SEC14L5: variants seen among roughly 807,000 people sequenced by gnomAD.
SEC14L5 encodes the protein SEC14 like lipid binding 5, also known as SEC14-like protein 5.
A neutral mutation model predicts 84.6 loss-of-function variants in SEC14L5; 96 were observed. The ratio of observed to expected loss-of-function variants is 1.13; its 90% confidence interval spans 0.96 to 1.34. SEC14L5 has a LOEUF of 1.34. Ranked by LOEUF, SEC14L5 falls within the 40% of genes most tolerant of loss-of-function variation. SEC14L5 has a pLI of 0.00. For missense variants in SEC14L5, 1,224 were observed against 942.5 expected (o/e 1.30, Z -3.91); for synonymous variants, 546 against 383.4 (o/e 1.42, Z -4.95).
rs569313367 is a variant in SEC14L5 at position 5,016,084 on chromosome 16, A to T, written c.*1114A>T. ...ATGGGTGCATAGAACTGGCCAGTCC[A>T]GGAGGGCTTGCTTCAGGTAAGGCTA... On this transcript the variant is annotated 3_prime_UTR_variant, in exon 16 of 16. Coordinates refer to ENST00000251170, the MANE Select transcript of SEC14L5 (RefSeq NM_014692.2). 6.6e-6 allele frequency: 1 copy of T among 152,314 alleles called. No individual in the cohort carries two copies. The highest frequency in any genetic ancestry group is 2.4e-5 in the African/African-American group (1 of 41,562). 9.4% of individuals were successfully genotyped at this position (152,314 alleles called of 1,614,324 possible). A position where few individuals can be genotyped will look rare whatever the true frequency, so the allele number is the denominator to read the frequency against.
At position 4,987,544 on chromosome 16, in the gene SEC14L5, G is replaced by T; in HGVS notation, c.64-13G>T. The T allele has an allele frequency of 6.6e-7, 1 of 1,524,640 alleles. No individual in the cohort carries two copies. 94.4% of individuals were successfully genotyped at this position (1,524,640 alleles called of 1,614,324 possible). A position where few individuals can be genotyped will look rare whatever the true frequency, so the allele number is the denominator to read the frequency against. The stretch of plus-strand genomic sequence containing the variant: ...CCCCCCACCACGGCCGCTCACTGCC[G>T]CTCTGCCCCCAGGCCTACGAGAAGC... On this transcript the variant is annotated splice_polypyrimidine_tract_variant and intron_variant, in intron 2 of 15. Transcript: ENST00000251170.
intron 2 of SEC14L5, among the ~76,000 whole-genome samples, chr16:4,967,157 G>A (rs1025515041): frequency 1.3e-4 from 20 of 152,192 alleles, no homozygotes; most frequent in Non-Finnish European, 2.5e-4. Context: ...CTGGAGGCCA[G>A]AAGCCTGAAT....
chr16:5,015,263 C>T lies in SEC14L5; in HGVS notation c.*293C>T, dbSNP rs1183224722. ...ACACCTTTGGGACATCCGGGCTTAG[C>T]GACGTCAGCCAGGCCCATCTCCTCT... is the stretch of plus-strand genomic sequence containing the variant. On this transcript the variant is annotated 3_prime_UTR_variant, in exon 16 of 16. Transcript: ENST00000251170. The T allele has an allele frequency of 5.3e-5, 19 of 356,246 alleles. No homozygotes were observed. Among genetic ancestry groups the T allele is most frequent in the Non-Finnish European group, 8.7e-5 (17 of 195,736 alleles). 22.1% of individuals were successfully genotyped at this position (356,246 alleles called of 1,614,324 possible). A position where few individuals can be genotyped will look rare whatever the true frequency, so the allele number is the denominator to read the frequency against.
intron 14 of SEC14L5, among the ~76,000 whole-genome samples, chr16:5,009,408 C>G (rs563384024): frequency 6.6e-6 from 1 of 152,296 alleles, no homozygotes; most frequent in Non-Finnish European, 1.5e-5. Flanking sequence ...ACTACAGCCT[C>G]TACCTCCTAG....
rs372131297 is a variant in SEC14L5 at position 4,970,811 on chromosome 16, C to G, written c.63+11425C>G. Among the ~76,000 whole-genome samples the G allele has an allele frequency of 3.7e-4, 57 of 152,298 alleles. No individual in the cohort carries two copies. The South Asian group carries it at 0.011, about 30-fold the overall frequency. On this transcript the variant is annotated intron_variant, in intron 2 of 15. Transcript: ENST00000251170. ...CATCCAAGTGTGCAGAAGTAGGAAC[C>G]AGTAAGAACTAGACCTGGCTGGGTG...
chr16:4,967,293 T>G (rs1475117110), intron 2 of SEC14L5, among the ~76,000 whole-genome samples: 1 of 152,146 alleles, frequency 6.6e-6, no homozygotes, highest in African/African-American at 2.4e-5. Context: ...ACATAATGAC[T>G]CACTGTGTCC....
At chr16:5,012,261 T>C (rs1250863292) in intron 15 of SEC14L5, among the ~76,000 whole-genome samples, 7 of 152,056 alleles carry the variant, frequency 4.6e-5, no homozygotes, top group Non-Finnish European at 4.4e-5. Flanking sequence ...CACAGAGGAA[T>C]AGACACAGGC....
intron 2 of SEC14L5, among the ~76,000 whole-genome samples, chr16:4,977,446 C>CAAAAAAAAAAAAAAAA: frequency 1.5e-5 from 1 of 66,138 alleles, no homozygotes; most frequent in Non-Finnish European, 2.5e-5. Context: ...GACTCCGTCT[C>CAAAAAAAAAAAAAAAA]AAAAAAAAAA....
At chr16:5,005,133 A>G (rs951548839) in intron 11 of SEC14L5, among the ~76,000 whole-genome samples, 3 of 152,138 alleles carry the variant, frequency 2.0e-5, no homozygotes, top group African/African-American at 7.2e-5. Flanking sequence ...CAACATGGTG[A>G]AAATACAAAA....
rs139109215 is a variant in SEC14L5 at position 5,005,652 on chromosome 16, G to C, written c.1303-262G>C. The stretch of plus-strand genomic sequence containing the variant: ...CGAGGCAGGTGGATCACGAGGTCAG[G>C]AGATCGAGACCATCCTGGCTAACAT... On this transcript the variant is annotated intron_variant, in intron 11 of 15. Transcript: ENST00000251170. Among the ~76,000 whole-genome samples the C allele has an allele frequency of 9.1e-3, 1,388 of 152,014 alleles. 23 individuals are homozygous for C. The highest frequency in any genetic ancestry group is 0.032 in the African/African-American group (1,318 of 41,462).
At chr16:5,001,025 G>A (rs1955671097) in intron 10 of SEC14L5, 100 bp downstream of exon 10, 1 of 929,774 alleles carries the variant, frequency 1.1e-6, no homozygotes, top group Non-Finnish European at 1.7e-6. Context: ...AGCGTGCCAG[G>A]GGCTTCATTC....
rs1596643599 is a variant in SEC14L5 at position 5,007,484 on chromosome 16, G to A, written c.1570G>A (p.Glu524Lys). The change falls in exon 13 of 16, where the codon GAG (glutamate) becomes AAG (lysine). Residue 524 changes from glutamate to lysine, a missense_variant and splice_region_variant. Transcript: ENST00000251170. The part of the protein sequence containing the change: ...SASVLRGAPH[E>K]VAVEILEGES... ...CAGCGTGCTCCGCGGAGCCCCCCACGAGGTGCCAGGGCCTGGCCGGGGAGG... is the reference window on the plus strand; with the variant it reads ...CAGCGTGCTCCGCGGAGCCCCCCACAAGGTGCCAGGGCCTGGCCGGGGAGG... 2.5e-6 allele frequency: 4 copies of A among 1,613,104 alleles called. No individual in the cohort carries two copies. In the South Asian group the frequency reaches 3.3e-5, roughly 13 times the overall value.
At chr16:4,968,751 C>G (rs1448710721) in intron 2 of SEC14L5, among the ~76,000 whole-genome samples, 1 of 152,246 alleles carries the variant, frequency 6.6e-6, no homozygotes, top group African/African-American at 2.4e-5. Flanking sequence ...GTCAGGTCAT[C>G]TCTGTTTTGC....
intron 4 of SEC14L5, among the ~76,000 whole-genome samples, chr16:4,989,992 C>T (rs1162383970): frequency 6.6e-6 from 1 of 151,912 alleles, no homozygotes; most frequent in Non-Finnish European, 1.5e-5. Context: ...TTTTTGCAAA[C>T]ATACAGATCT....
chr16:4,961,130 G>C (rs139001871), intron 2 of SEC14L5, among the ~76,000 whole-genome samples: 4 of 152,052 alleles, frequency 2.6e-5, no homozygotes, highest in African/African-American at 9.7e-5. Flanking sequence ...AAAATTAGCC[G>C]GGCGTGGTGG....
At chr16:4,959,620 C>G (rs1261808604) in intron 2 of SEC14L5, among the ~76,000 whole-genome samples, 1 of 152,120 alleles carries the variant, frequency 6.6e-6, no homozygotes, top group Non-Finnish European at 1.5e-5. Flanking sequence ...TGAAGCTGAC[C>G]TGCTCCCTTA....
chr16:5,007,917 T>TC (rs1228404801), intron 13 of SEC14L5, among the ~76,000 whole-genome samples: 1 of 147,920 alleles, frequency 6.8e-6, no homozygotes, highest in East Asian at 2.0e-4. Flanking sequence ...CTTTTTTTTT[T>TC]TTTTTTTTGA....
chr16:5,017,314 A>C lies in SEC14L5; in HGVS notation c.*2344A>C, dbSNP rs1955886843. ...CCAGCCCAAACTGGCTTAAGCAACA[A>C]AGCAAATTCCCTGGGTCCTGTACTA... On this transcript the variant is annotated 3_prime_UTR_variant, in exon 16 of 16. Coordinates refer to ENST00000251170, the MANE Select transcript of SEC14L5 (RefSeq NM_014692.2). The C allele has an allele frequency of 6.6e-6, 1 of 152,256 alleles. No homozygotes were observed. Among genetic ancestry groups the C allele is most frequent in the Non-Finnish European group, 1.5e-5 (1 of 68,100 alleles). 9.4% of individuals were successfully genotyped at this position (152,256 alleles called of 1,614,324 possible). A position where few individuals can be genotyped will look rare whatever the true frequency, so the allele number is the denominator to read the frequency against.
intron 15 of SEC14L5, among the ~76,000 whole-genome samples, chr16:5,014,096 C>T (rs572633204): frequency 6.6e-6 from 1 of 152,356 alleles, no homozygotes; most frequent in Non-Finnish European, 1.5e-5. Context: ...TATCTGGTCG[C>T]TGCTAGTCAC....
Sources: allele counts gnomAD v4.1 joint callset (sites outside exome capture counted in the v4.1 genomes callset), GRCh38; gene constraint gnomAD v4.1.1; transcripts MANE v1.5; gene names NCBI Gene and HGNC (gene_info 2026-07-23, HGNC 2026-07-21).